Variants in PELI2 observed in about 807,000 individuals in gnomAD.
PELI2 encodes the protein pellino E3 ubiquitin protein ligase family member 2.
PELI2 carries 23 observed loss-of-function variants against 42.3 expected under a neutral mutation model. The observed-to-expected ratio is 0.54, with a 90% CI of 0.39 to 0.77. PELI2 has a LOEUF of 0.77. Among genes scored for constraint, PELI2 ranks in the 30% least tolerant of loss-of-function variants. PELI2 has a pLI of 0.00. For synonymous variants in PELI2, 245 were observed against 212.2 expected, an observed-to-expected ratio of 1.15 and a Z score of -1.34; for missense variants, 463 against 553.2, an observed-to-expected ratio of 0.84 and a Z score of 1.64.
intron 1 of PELI2, among the ~76,000 whole-genome samples, chr14:56,156,460 G>A (rs1884569758): frequency 6.6e-6 from 1 of 152,148 alleles, no homozygotes; most frequent in Non-Finnish European, 1.5e-5. Flanking sequence ...AACTATTTTA[G>A]AAACATAATG....
chr14:56,181,872 G>T (rs531057992), intron 2 of PELI2, among the ~76,000 whole-genome samples: 3,426 of 145,712 alleles, frequency 0.024, 58 homozygotes, highest in Non-Finnish European at 0.038. Context: ...GTGTGTGTGT[G>T]TTTTTAAATT....
intron 1 of PELI2, among the ~76,000 whole-genome samples, chr14:56,157,403 G>T (rs1364197610): frequency 1.3e-5 from 2 of 152,132 alleles, no homozygotes; most frequent in Non-Finnish European, 2.9e-5. Flanking sequence ...AGAAATAGAA[G>T]AATCTTCTTT....
At chr14:56,141,112 T>C (rs1369956807) in intron 1 of PELI2, among the ~76,000 whole-genome samples, 2 of 152,212 alleles carry the variant, frequency 1.3e-5, no homozygotes, top group Non-Finnish European at 2.9e-5. Flanking sequence ...TGGCTGTTCA[T>C]AGTACTGAAC....
chr14:56,170,818 A>G (rs1885139258), intron 1 of PELI2, among the ~76,000 whole-genome samples: 1 of 152,182 alleles, frequency 6.6e-6, no homozygotes, highest in African/African-American at 2.4e-5. Context: ...GTAAAGACCA[A>G]CTGTTTGCTC....
At position 56,296,837 on chromosome 14, in the gene PELI2, A is replaced by G; in HGVS notation, c.934A>G (p.Ser312Gly). 6.2e-7 allele frequency: 1 copy of G among 1,613,768 alleles called. No homozygotes were observed. The highest frequency in any genetic ancestry group is 8.5e-7 in the Non-Finnish European group (1 of 1,179,668). Residue 312 changes from serine to glycine, a missense_variant, in exon 6 of 6, where the codon AGT becomes GGT. By Grantham distance (56) the Ser-to-Gly change is moderately conservative. Transcript: ENST00000267460. ...GGAGAAGCAGCCCTGGGCATATCTCAGTTGTGGCCACGTGCACGGGTACCA... is the reference window on the plus strand; with the variant it reads ...GGAGAAGCAGCCCTGGGCATATCTCGGTTGTGGCCACGTGCACGGGTACCA... ...VEEKQPWAYLSCGHVHGYHNW... is the reference protein window; with the variant it reads ...VEEKQPWAYLGCGHVHGYHNW...
At chr14:56,125,188 T>G (rs1209930713) in intron 1 of PELI2, among the ~76,000 whole-genome samples, 1 of 152,100 alleles carries the variant, frequency 6.6e-6, no homozygotes, top group Non-Finnish European at 1.5e-5. Flanking sequence ...TAGTTTCGTG[T>G]GATTGACCAT....
chr14:56,135,182 T>C (rs1461143417), intron 1 of PELI2, among the ~76,000 whole-genome samples: 3 of 152,202 alleles, frequency 2.0e-5, no homozygotes, highest in Non-Finnish European at 4.4e-5. Flanking sequence ...TGTGAGCATG[T>C]GTGCTGCCGC....
At chr14:56,177,320 G>T (rs1298378413) in intron 1 of PELI2, among the ~76,000 whole-genome samples, 2 of 152,240 alleles carry the variant, frequency 1.3e-5, no homozygotes, top group African/African-American at 4.8e-5. Context: ...AAGTGGAGAA[G>T]GCCCAGGGAT....
intron 2 of PELI2, among the ~76,000 whole-genome samples, chr14:56,188,465 G>A (rs1287462317): frequency 6.6e-6 from 1 of 152,052 alleles, no homozygotes; most frequent in Admixed American, 6.6e-5. Flanking sequence ...CTTATGTTAC[G>A]ACATTTCCCT....
In PELI2 at chr14:56,290,325, G is replaced by T. The variant is rs747380864; in HGVS notation, c.565G>T (p.Gly189Cys). 1 of 1,613,266 alleles carries T rather than the reference G, an allele frequency of 6.2e-7. No individual in the cohort carries two copies. Reference protein sequence around the residue: ...DGHMDGLTTNGVLVMHPRGGF... With the variant: ...DGHMDGLTTNCVLVMHPRGGF... The stretch of plus-strand genomic sequence containing the variant: ...CCACATGGATGGGCTCACTACTAAT[G>T]GCGTCCTGGTGATGCATCCACGAGG... The change falls in exon 5 of 6, where the codon GGC becomes TGC. Residue 189 changes from glycine to cysteine, a missense_variant. By Grantham distance (159) the Gly-to-Cys change is radical. Around this residue, in one of 3 missense-constraint regions of PELI2, gnomAD observed 343 missense variants for 378.4 expected, o/e 0.91. Transcript: ENST00000267460.
chr14:56,283,530 G>C (rs1361908626), intron 3 of PELI2, among the ~76,000 whole-genome samples: 1 of 152,184 alleles, frequency 6.6e-6, no homozygotes, highest in Non-Finnish European at 1.5e-5. Context: ...CATGTACCTA[G>C]ACCCCATGGC....
At chr14:56,187,194 G>C (rs1270789466) in intron 2 of PELI2, among the ~76,000 whole-genome samples, 1 of 152,086 alleles carries the variant, frequency 6.6e-6, no homozygotes, top group Non-Finnish European at 1.5e-5. Flanking sequence ...CCAAAGCTGG[G>C]TTCTGCTCCT....
At chr14:56,173,459 C>G (rs1163151956) in intron 1 of PELI2, among the ~76,000 whole-genome samples, 1 of 151,956 alleles carries the variant, frequency 6.6e-6, no homozygotes, top group African/African-American at 2.4e-5. Context: ...AAATTTTTCT[C>G]TAATCCTCCA....
At position 56,230,656 on chromosome 14, in the gene PELI2, G is replaced by C. The variant is rs562425919; in HGVS notation, c.208-49020G>C. On this transcript the variant is annotated intron_variant, in intron 2 of 5. Transcript: ENST00000267460. ...AGCCACTGCAAAAACATGCCAAATT[G>C]TAAAGACCATTGATGCTAGGAAGAA... Among the ~76,000 whole-genome samples the C allele has an allele frequency of 2.6e-5, 4 of 152,290 alleles. No individual in the cohort carries two copies. In the South Asian group the frequency reaches 8.3e-4, roughly 32 times the overall value.
At chr14:56,284,121 T>TG (rs1242227738) in intron 3 of PELI2, among the ~76,000 whole-genome samples, 6 of 152,346 alleles carry the variant, frequency 3.9e-5, no homozygotes, top group African/African-American at 1.4e-4. Context: ...AAGGGCTTTA[T>TG]GCTGCATTTC....
chr14:56,258,533 G>T (rs894925887), intron 2 of PELI2, among the ~76,000 whole-genome samples: 3 of 151,712 alleles, frequency 2.0e-5, no homozygotes, highest in Non-Finnish European at 1.5e-5. Flanking sequence ...TCAGAAAAAA[G>T]GTTCAAGTGA....
At chr14:56,162,183 C>T (rs757780871) in intron 1 of PELI2, among the ~76,000 whole-genome samples, 3 of 151,938 alleles carry the variant, frequency 2.0e-5, no homozygotes, top group Non-Finnish European at 4.4e-5. Context: ...CTGTAGCCAC[C>T]TTATTGTGCT....
intron 2 of PELI2, among the ~76,000 whole-genome samples, chr14:56,183,509 A>G (rs1885664245): frequency 6.6e-6 from 1 of 152,206 alleles, no homozygotes; most frequent in African/African-American, 2.4e-5. Flanking sequence ...TTAAGTATTT[A>G]TTAGGACTTC....
chr14:56,249,068 C>T (rs1300508536), intron 2 of PELI2, among the ~76,000 whole-genome samples: 3 of 152,026 alleles, frequency 2.0e-5, no homozygotes, highest in Non-Finnish European at 4.4e-5. Context: ...ATAGTGGTGC[C>T]GTGAATTGGC....
Sources: allele counts gnomAD v4.1 joint callset (sites outside exome capture counted in the v4.1 genomes callset), GRCh38; gene constraint gnomAD v4.1.1; regional missense constraint gnomAD v4.1.1; transcripts MANE v1.5; gene names NCBI Gene and HGNC (gene_info 2026-07-23, HGNC 2026-07-21).